The following CABP1 variants were observed in gnomAD, a reference collection of about 807,000 sequenced individuals.
CABP1 encodes the protein calcium binding protein 1.
In CABP1, 17 loss-of-function variants were observed where a neutral mutation model predicts 34.3. That is an observed-to-expected ratio of 0.50 (90% CI 0.34 to 0.74). The LOEUF (loss-of-function observed/expected upper bound fraction) is 0.74, where lower values mean the gene tolerates loss of function less well. Among genes scored for constraint, CABP1 ranks in the 30% least tolerant of loss-of-function variants. CABP1 has a pLI of 0.01. For synonymous variants in CABP1, 198 were observed against 229.2 expected (o/e 0.86, Z 1.23); for missense variants, 373 against 511.1 (o/e 0.73, Z 2.61).
chr12:120,656,962 G>T (rs896225147), intron 1 of CABP1, among the ~76,000 whole-genome samples: 5 of 152,154 alleles, frequency 3.3e-5, no homozygotes, highest in African/African-American at 1.2e-4. Flanking sequence ...CTTGTTGGTG[G>T]TAGAGGTAGG....
chr12:120,656,662 G>A (rs1389028597), intron 1 of CABP1, among the ~76,000 whole-genome samples: 3 of 152,128 alleles, frequency 2.0e-5, no homozygotes, highest in South Asian at 2.1e-4. Context: ...TTGGGAGGCC[G>A]AGGTAGGTGG....
chr12:120,655,886 C>G (rs1424477083), intron 1 of CABP1: 29 of 1,536,266 alleles, frequency 1.9e-5, no homozygotes, highest in Non-Finnish European at 2.5e-5. Flanking sequence ...ACATTCAGCT[C>G]TCCCCGGAAC....
At chr12:120,649,254 A>G (rs1392088442) in intron 1 of CABP1, among the ~76,000 whole-genome samples, 1 of 152,002 alleles carries the variant, frequency 6.6e-6, no homozygotes, top group African/African-American at 2.4e-5. Context: ...AGGAGTTCTG[A>G]GCAGCCCCCC....
At chr12:120,656,252 T>C (rs1292872096) in intron 1 of CABP1, 2 of 1,567,014 alleles carry the variant, frequency 1.3e-6, no homozygotes, top group African/African-American at 2.7e-5. Flanking sequence ...GCGCAAGGGC[T>C]TCGCTGAGAA....
chr12:120,644,199 T>C (rs1174970343), intron 1 of CABP1, among the ~76,000 whole-genome samples: 1 of 152,196 alleles, frequency 6.6e-6, no homozygotes, highest in Non-Finnish European at 1.5e-5. Context: ...AGGAATGAGA[T>C]TGACAAAAAC....
At chr12:120,655,554 G>T (rs1206492179) in intron 1 of CABP1, 18 of 1,241,424 alleles carry the variant, frequency 1.4e-5, no homozygotes, top group Non-Finnish European at 1.8e-5. Context: ...GACCAGCCAA[G>T]CCTGGTCTCC....
At chr12:120,671,749 T>A (rs1298911464), downstream of CABP1, among the ~76,000 whole-genome samples, 1 of 152,152 alleles carries the variant, frequency 6.6e-6, no homozygotes, top group Non-Finnish European at 1.5e-5. Flanking sequence ...GCAGTGTGGT[T>A]AAAAGCATGA....
Position 120,660,681 on chromosome 12 carries a change from A to T in CABP1, c.830-50A>T. On this transcript the variant is annotated intron_variant, in intron 3 of 5. Coordinates refer to ENST00000316803, the MANE Select transcript of CABP1 (RefSeq NM_001033677.2). The surrounding 1 kb of genome is among the most constrained non-coding windows in gnomAD (Gnocchi z 5.0). Reference sequence around the variant, plus strand: ...CATTCTGTCAGTTGTCTAGTTGGAGACAGGGAATGGGTATGTCGGGGATGA... The same window carrying T: ...CATTCTGTCAGTTGTCTAGTTGGAGTCAGGGAATGGGTATGTCGGGGATGA... 6 of 1,259,938 alleles carry T rather than the reference A, an allele frequency of 4.8e-6. No individual in the cohort carries two copies. The highest frequency in any genetic ancestry group is 7.0e-6 in the Non-Finnish European group (6 of 857,992). 78.0% of individuals were successfully genotyped at this position (1,259,938 alleles called of 1,614,324 possible). A position where few individuals can be genotyped will look rare whatever the true frequency, so the allele number is the denominator to read the frequency against.
chr12:120,649,253 G>T (rs1879694652), intron 1 of CABP1, among the ~76,000 whole-genome samples: 1 of 152,108 alleles, frequency 6.6e-6, no homozygotes, highest in South Asian at 2.1e-4. Flanking sequence ...CAGGAGTTCT[G>T]AGCAGCCCCC....
At chr12:120,674,598 CAT>C in the CABP1 span, among the ~76,000 whole-genome samples, 1 of 152,152 alleles carries the variant, frequency 6.6e-6, no homozygotes, top group Non-Finnish European at 1.5e-5. Flanking sequence ...TTAACAAGCA[CAT>C]GTTTTTTGGC....
At chr12:120,677,390 C>CTTTTTTTTTTTT in the CABP1 span, among the ~76,000 whole-genome samples, 1 of 76,794 alleles carries the variant, frequency 1.3e-5, no homozygotes, top group Non-Finnish European at 2.4e-5. Context: ...GCCCAGCCTT[C>CTTTTTTTTTTTT]TTTTTTTTTT....
chr12:120,661,028 C>A lies in CABP1; in HGVS notation c.940-43C>A. On this transcript the variant is annotated intron_variant, in intron 4 of 5. Coordinates refer to ENST00000316803, the MANE Select transcript of CABP1 (RefSeq NM_001033677.2). The surrounding 1 kb of genome is among the most constrained non-coding windows in gnomAD (Gnocchi z 5.1). ...AACTTTGGGATCTGCTGCTGCCAAT[C>A]GCCATGCTGGGGCGACCTCTCCTTC... is the stretch of plus-strand genomic sequence containing the variant. 6.3e-7 allele frequency: 1 copy of A among 1,595,148 alleles called. No homozygotes were observed. The highest frequency in any genetic ancestry group is 8.5e-7 in the Non-Finnish European group (1 of 1,170,110).
Position 120,666,979 on chromosome 12 carries a change from AGCC to A in CABP1, c.*84_*86del. Reference sequence around the variant, plus strand: ...AGCTAGAGCTTGCCTCACCCGCTGTAGCCGCCGAGAGCCCAGGATGTACTGGCG... The same window carrying A: ...AGCTAGAGCTTGCCTCACCCGCTGTAGCCGAGAGCCCAGGATGTACTGGCG... On this transcript the variant is annotated 3_prime_UTR_variant, in exon 6 of 6. Transcript: ENST00000316803. The A allele has an allele frequency of 6.6e-7, 1 of 1,511,438 alleles. No individual in the cohort carries two copies. The highest frequency in any genetic ancestry group is 1.2e-5 in the South Asian group (1 of 83,918). 93.6% of individuals were successfully genotyped at this position (1,511,438 alleles called of 1,614,324 possible).
Position 120,667,146 on chromosome 12 carries a change from T to C in CABP1, c.*246T>C. 1 of 579,988 alleles carries C rather than the reference T, an allele frequency of 1.7e-6. No homozygotes were observed. The highest frequency in any genetic ancestry group is 3.0e-5 in the Admixed American group (1 of 32,898). 35.9% of individuals were successfully genotyped at this position (579,988 alleles called of 1,614,324 possible). A position where few individuals can be genotyped will look rare whatever the true frequency, so the allele number is the denominator to read the frequency against. ...CACCGTGCCAAGCCGGCAGAGGTCATGCCAGGCGCCAAGGGCCATGTGCCC... is the reference window on the plus strand; with the variant it reads ...CACCGTGCCAAGCCGGCAGAGGTCACGCCAGGCGCCAAGGGCCATGTGCCC... On this transcript the variant is annotated 3_prime_UTR_variant, in exon 6 of 6. Coordinates refer to ENST00000316803, the MANE Select transcript of CABP1 (RefSeq NM_001033677.2).
chr12:120,661,284 G>T lies in CABP1; in HGVS notation c.1087+66G>T. On this transcript the variant is annotated intron_variant, in intron 5 of 5. Transcript: ENST00000316803. This position sits in a 1 kb window ranked among gnomAD's most constrained non-coding sequence, Gnocchi z 5.1. The stretch of plus-strand genomic sequence containing the variant: ...TGGCCATCCATGGAGCCCTCCAATT[G>T]TGTATCCATCATGCAACCATCAATC... The T allele has an allele frequency of 6.5e-7, 1 of 1,549,634 alleles. No homozygotes were observed. The highest frequency in any genetic ancestry group is 8.7e-7 in the Non-Finnish European group (1 of 1,149,938).
chr12:120,650,037 G>GTGTGTGTGTGTGCATGCACGTT (rs1879743908), intron 1 of CABP1: 2 of 69,312 alleles, frequency 2.9e-5, no homozygotes, highest in Non-Finnish European at 4.8e-5. Context: ...ATGCACGTTT[G>GTGTGTGTGTGTGCATGCACGTT]TGTGTGTGTG....
At chr12:120,680,539 G>C in the CABP1 span, among the ~76,000 whole-genome samples, 5 of 152,170 alleles carry the variant, frequency 3.3e-5, no homozygotes, top group Non-Finnish European at 7.3e-5. Flanking sequence ...TCTCAGATGG[G>C]GATGACCTTC....
At chr12:120,642,574 G>A (rs553202496) in intron 1 of CABP1, among the ~76,000 whole-genome samples, 112 of 152,270 alleles carry the variant, frequency 7.4e-4, no homozygotes, top group African/African-American at 2.4e-3. Context: ...CTCGTTAGCC[G>A]AGTTAGCTGG....
intron 1 of CABP1, chr12:120,650,650 G>A: frequency 6.2e-7 from 1 of 1,614,080 alleles, no homozygotes; most frequent in Non-Finnish European, 8.5e-7. Context: ...GGGCAACTGT[G>A]TCAAGTATCC....
Sources: gnomAD v4.1 joint callset for allele counts (sites outside exome capture counted in the v4.1 genomes callset) on GRCh38, gnomAD v4.1.1 for gene constraint, Gnocchi (gnomAD v3.1) non-coding constraint, MANE v1.5 for transcripts, NCBI Gene and HGNC (gene_info 2026-07-23, HGNC 2026-07-21) for gene names.